Variants in SCD5 observed in about 807,000 individuals in gnomAD.
SCD5 encodes the protein stearoyl-CoA desaturase 5.
A neutral mutation model predicts 30.4 loss-of-function variants in SCD5; 20 were observed. The observed-to-expected ratio is 0.66, with a 90% CI of 0.46 to 0.96. The LOEUF is 0.96. Ranked by LOEUF, SCD5 falls within the 40% of genes least tolerant of loss-of-function variation. The pLI, the probability that SCD5 is intolerant of heterozygous loss-of-function variation, is 0.00. For synonymous variants in SCD5, 173 were observed against 176.4 expected, an observed-to-expected ratio of 0.98 and a Z score of 0.16; for missense variants, 381 against 443.3, an observed-to-expected ratio of 0.86 and a Z score of 1.26.
intron 1 of SCD5, among the ~76,000 whole-genome samples, chr4:82,796,159 A>G (rs1339131373): frequency 6.6e-6 from 1 of 151,774 alleles, no homozygotes; most frequent in East Asian, 1.9e-4. Context: ...AATCCCAACT[A>G]CTTGGGAGGC....
At chr4:82,730,390 G>A (rs899313039) in intron 1 of SCD5, among the ~76,000 whole-genome samples, 24 of 150,284 alleles carry the variant, frequency 1.6e-4, no homozygotes, top group African/African-American at 4.4e-4. Context: ...TCCGCTTCCC[G>A]GGTTCAAGCA....
At chr4:82,787,288 T>A (rs1485189503) in intron 1 of SCD5, among the ~76,000 whole-genome samples, 1 of 151,838 alleles carries the variant, frequency 6.6e-6, no homozygotes, top group Non-Finnish European at 1.5e-5. Flanking sequence ...AAAGAACACA[T>A]TCTAAGTCAC....
intron 1 of SCD5, among the ~76,000 whole-genome samples, chr4:82,728,007 C>T (rs909861386): frequency 6.6e-6 from 1 of 152,190 alleles, no homozygotes. Flanking sequence ...CCATGCCCCA[C>T]CTCTAGTCTT....
chr4:82,718,081 T>TA lies in SCD5; in HGVS notation c.233-12669_233-12668insT, dbSNP rs1445964798. ...TATGGGTCATTATCACCTTTTTTTT[T>TA]TAAAAAAAAAAAAAGCAATCTCTCT... On this transcript the variant is annotated intron_variant, in intron 1 of 4. Coordinates refer to ENST00000319540, the MANE Select transcript of SCD5 (RefSeq NM_001037582.3). Among the ~76,000 whole-genome samples, 732 of 84,456 alleles carry TA rather than the reference T, an allele frequency of 8.7e-3. 21 individuals are homozygous for TA. Among genetic ancestry groups the TA allele is most frequent in the African/African-American group, 0.041 (687 of 16,808 alleles). The allele number at this position is 84,456 out of a possible 152,430, so 55.4% of individuals were successfully genotyped here. A position where few individuals can be genotyped will look rare whatever the true frequency, so the allele number is the denominator to read the frequency against.
At chr4:82,684,106 AT>A (rs902461191) in intron 2 of SCD5, among the ~76,000 whole-genome samples, 2 of 152,236 alleles carry the variant, frequency 1.3e-5, no homozygotes, top group African/African-American at 4.8e-5. Flanking sequence ...ACCCATCATG[AT>A]GAAGAAAAGT....
rs1722288931 is a variant in SCD5 at position 82,798,701 on chromosome 4, G to C, written c.-164C>G. ...TCCCGGGCTCCTGCGCTCTTCCCCA[G>C]GGTCTTAGCGTGGCCTAGGGATGCA... On this transcript the variant is annotated 5_prime_UTR_variant, in exon 1 of 5. Coordinates refer to ENST00000319540, the MANE Select transcript of SCD5 (RefSeq NM_001037582.3). 1 of 635,886 alleles carries C rather than the reference G, an allele frequency of 1.6e-6. No individual in the cohort carries two copies. The highest frequency in any genetic ancestry group is 1.9e-5 in the African/African-American group (1 of 52,532). 39.4% of individuals were successfully genotyped at this position (635,886 alleles called of 1,614,324 possible).
chr4:82,681,836 G>A (rs1056065563), intron 2 of SCD5, among the ~76,000 whole-genome samples: 3 of 152,096 alleles, frequency 2.0e-5, no homozygotes, highest in Admixed American at 1.3e-4. Flanking sequence ...ATAAGAGAGG[G>A]GCAGTCCTGA....
chr4:82,641,352 G>T (rs1416462387), intron 3 of SCD5, among the ~76,000 whole-genome samples: 1 of 151,102 alleles, frequency 6.6e-6, no homozygotes, highest in East Asian at 1.9e-4. Flanking sequence ...TATATATCTG[G>T]TATATTCTGG....
intron 1 of SCD5, among the ~76,000 whole-genome samples, chr4:82,744,181 A>G (rs1365318688): frequency 6.6e-6 from 1 of 152,276 alleles, no homozygotes; most frequent in African/African-American, 2.4e-5. Context: ...CATGATAGTT[A>G]CATTTATTTT....
chr4:82,746,913 G>A (rs1228297554), intron 1 of SCD5, among the ~76,000 whole-genome samples: 1 of 150,578 alleles, frequency 6.6e-6, no homozygotes, highest in East Asian at 2.0e-4. Context: ...CAATCCTGTT[G>A]CCATATAAAC....
chr4:82,701,974 T>C (rs956061721), intron 2 of SCD5, among the ~76,000 whole-genome samples: 1 of 151,904 alleles, frequency 6.6e-6, no homozygotes, highest in African/African-American at 2.4e-5. Flanking sequence ...TATAAGGAAG[T>C]TGCAAGCAGT....
rs1415880616 is a variant in SCD5, at chr4:82,680,757, C to A, written c.519G>T (p.Lys173Asn). 1.9e-6 allele frequency: 3 copies of A among 1,614,078 alleles called. No homozygotes were observed. The highest frequency in any genetic ancestry group is 2.5e-6 in the Non-Finnish European group (3 of 1,180,032). ...CAGCAAGCAGGTCAGTGACGTCAAG[C>A]TTTCTCCCCTTCTCAATAACATCTC... The part of the protein sequence containing the change: ...KHRDVIEKGR[K>N]LDVTDLLADP... The change falls in exon 3 of 5, where the codon AAG (lysine) becomes AAT (asparagine). Residue 173 changes from lysine (K) to asparagine (N), a missense_variant. By Grantham distance (94) the Lys-to-Asn change is moderately conservative. Transcript: ENST00000319540.
At chr4:82,654,618 T>C (rs1042645765) in intron 3 of SCD5, among the ~76,000 whole-genome samples, 1 of 152,240 alleles carries the variant, frequency 6.6e-6, no homozygotes, top group African/African-American at 2.4e-5. Context: ...ATCTAGACAT[T>C]GGCTCTCCAT....
At chr4:82,682,671 C>T (rs1196768185) in intron 2 of SCD5, among the ~76,000 whole-genome samples, 1 of 152,066 alleles carries the variant, frequency 6.6e-6, no homozygotes, top group Non-Finnish European at 1.5e-5. Flanking sequence ...TTTTTTGAGA[C>T]AGTCTTGCTC....
intron 1 of SCD5, among the ~76,000 whole-genome samples, chr4:82,725,695 AC>A (rs1187194355): frequency 6.6e-6 from 1 of 152,144 alleles, no homozygotes; most frequent in South Asian, 2.1e-4. Flanking sequence ...CCCTACCTCT[AC>A]AAAAAATACA....
At chr4:82,795,927 C>G (rs1722203695) in intron 1 of SCD5, among the ~76,000 whole-genome samples, 1 of 149,922 alleles carries the variant, frequency 6.7e-6, no homozygotes, top group South Asian at 2.1e-4. Flanking sequence ...TAATATCTAC[C>G]ATTGTCTGCT....
Position 82,700,085 on chromosome 4 carries a change from C to T in SCD5, c.363+5198G>A, listed in dbSNP as rs765737570. On this transcript the variant is annotated intron_variant, in intron 2 of 4. Transcript: ENST00000319540. ...TGCAAAAACAAGCTGGGTTTGGTGG[C>T]GCGCACCTGTAATCCCAGCTACTCG... Among the ~76,000 whole-genome samples the T allele has an allele frequency of 3.1e-3, 469 of 151,962 alleles. 5 individuals are homozygous for T. The highest frequency in any genetic ancestry group is 5.6e-3 in the Non-Finnish European group (381 of 67,970).
At chr4:82,785,997 G>A (rs72925437) in intron 1 of SCD5, among the ~76,000 whole-genome samples, 3,510 of 152,158 alleles carry the variant, frequency 0.023, 131 homozygotes, top group African/African-American at 0.08. Flanking sequence ...ACTATTCCAC[G>A]GGACAATTAC....
intron 1 of SCD5, among the ~76,000 whole-genome samples, chr4:82,711,287 C>A (rs1463191821): frequency 6.6e-6 from 1 of 152,028 alleles, no homozygotes; most frequent in Non-Finnish European, 1.5e-5. Flanking sequence ...CCCACTGTGA[C>A]CCCCTACATT....
Sources: allele counts gnomAD v4.1 joint callset (sites outside exome capture counted in the v4.1 genomes callset), GRCh38; gene constraint gnomAD v4.1.1; transcripts MANE v1.5; gene names NCBI Gene and HGNC (gene_info 2026-07-23, HGNC 2026-07-21).